Variants in GALNT9 observed in about 807,000 individuals in gnomAD.
GALNT9 encodes the protein GalNAc transferase 9.
In GALNT9, 47 loss-of-function variants were observed where a neutral mutation model predicts 63.1. The observed-to-expected ratio is 0.75, with a 90% CI of 0.59 to 0.95. GALNT9 has a LOEUF of 0.95. Ranked by LOEUF, GALNT9 falls within the 40% of genes least tolerant of loss-of-function variation. The pLI, the probability that GALNT9 is intolerant of heterozygous loss-of-function variation, is 0.00. For missense variants in GALNT9, 829 were observed against 874.8 expected, an observed-to-expected ratio of 0.95 and a Z score of 0.66; for synonymous variants, 396 against 365.7, an observed-to-expected ratio of 1.08 and a Z score of -0.94.
At position 132,310,790 on chromosome 12, in the gene GALNT9, T is replaced by TCC. The variant is rs1186300362; in HGVS notation, c.238+18174_238+18175dup. ...CGCTGGGAAGGTGGGAGCCACGCTG[T>TCC]CCTCCCACGCAAAGAGGAACTAGGT... On this transcript the variant is annotated intron_variant, in intron 1 of 10. Transcript: ENST00000328957. The surrounding 1 kb of genome is among the most constrained non-coding windows in gnomAD (Gnocchi z 4.8). 1.3e-5 allele frequency among the ~76,000 whole-genome samples: 2 copies of TCC among 151,990 alleles called. No individual in the cohort carries two copies. The highest frequency in any genetic ancestry group is 4.8e-5 in the African/African-American group (2 of 41,384).
intron 6 of GALNT9, among the ~76,000 whole-genome samples, chr12:132,230,873 A>G (rs1877864822): frequency 6.6e-6 from 1 of 152,210 alleles, no homozygotes; most frequent in African/African-American, 2.4e-5. Flanking sequence ...AGGCCACTGC[A>G]GGGCTCCCAA....
At chr12:132,204,192 C>T (rs1876465660) in intron 6 of GALNT9, among the ~76,000 whole-genome samples, 1 of 152,212 alleles carries the variant, frequency 6.6e-6, no homozygotes, top group East Asian at 1.9e-4. Flanking sequence ...ACCCCGCAGC[C>T]CCTGGCTTTC....
chr12:132,262,920 A>G (rs1879458804), intron 2 of GALNT9, among the ~76,000 whole-genome samples: 1 of 152,158 alleles, frequency 6.6e-6, no homozygotes, highest in African/African-American at 2.4e-5. Context: ...GAGCTGTTCC[A>G]GAGAGAAACT....
intron 1 of GALNT9, among the ~76,000 whole-genome samples, chr12:132,308,085 G>T (rs1316849709): frequency 2.0e-5 from 3 of 152,102 alleles, no homozygotes; most frequent in African/African-American, 7.2e-5. Flanking sequence ...ACACATGGAG[G>T]GAGATTCGAC....
In GALNT9 at chr12:132,294,490, G is replaced by A. The variant is rs536183079; in HGVS notation, c.239-8060C>T. The stretch of plus-strand genomic sequence containing the variant: ...AGACTCAGGAGCTCTGGTGACCTCC[G>A]GGTGATGCTGAGGCTGCCAGGCTGG... On this transcript the variant is annotated intron_variant, in intron 1 of 10. Transcript: ENST00000328957. Among the ~76,000 whole-genome samples the A allele has an allele frequency of 5.3e-5, 8 of 152,328 alleles. No individual in the cohort carries two copies. The East Asian group carries it at 7.7e-4, about 15-fold the overall frequency.
intron 7 of GALNT9, among the ~76,000 whole-genome samples, chr12:132,202,540 G>A (rs1350890588): frequency 6.6e-6 from 1 of 152,240 alleles, no homozygotes. Flanking sequence ...GTTTTAAGAA[G>A]TAGTAATATT....
At chr12:132,214,917 C>T (rs983636004) in intron 6 of GALNT9, among the ~76,000 whole-genome samples, 18 of 152,254 alleles carry the variant, frequency 1.2e-4, no homozygotes, top group African/African-American at 3.9e-4. Flanking sequence ...ACACCCGTCA[C>T]AGAGGCCCAT....
At chr12:132,285,595 G>A (rs1166608196) in intron 2 of GALNT9, among the ~76,000 whole-genome samples, 7 of 152,226 alleles carry the variant, frequency 4.6e-5, no homozygotes, top group Non-Finnish European at 8.8e-5. Flanking sequence ...CGGATGGAAC[G>A]GGAATGCCCT....
chr12:132,262,980 C>A (rs1353970947), intron 2 of GALNT9, among the ~76,000 whole-genome samples: 2 of 151,202 alleles, frequency 1.3e-5, no homozygotes, highest in African/African-American at 4.9e-5. Flanking sequence ...GTGCCCACCC[C>A]GTGCTCACAG....
In GALNT9 at chr12:132,197,822, C is replaced by T; in HGVS notation, c.1635G>A (p.Arg545=). The change falls in exon 10 of 11, where the codon CGG becomes CGA. Residue 545 remains arginine, a synonymous_variant. Transcript: ENST00000328957. ...TGAAGTCCCACAGCCGCTGTGTTGG[C>T]CGCGCCACATCCTCACACTTCTTCA... is the stretch of plus-strand genomic sequence containing the variant. The part of the protein sequence containing the change: ...PTLKKCEDVA[R]PTQRLWDFTQ... 6.5e-7 allele frequency: 1 copy of T among 1,549,926 alleles called. No homozygotes were observed. Among genetic ancestry groups the T allele is most frequent in the Admixed American group, 1.8e-5 (1 of 56,286 alleles).
In GALNT9 at chr12:132,288,804, G is replaced by A. The variant is rs541883590; in HGVS notation, c.239-2374C>T. ...CTGCCCGATGCCCAGCGTTGGAACC[G>A]GCAGGAGGGTGGCTGAGCGTGGTTT... On this transcript the variant is annotated intron_variant, in intron 1 of 10. Coordinates refer to ENST00000328957, the MANE Select transcript of GALNT9 (RefSeq NM_001122636.2). 2.2e-4 allele frequency among the ~76,000 whole-genome samples: 33 copies of A among 150,756 alleles called. 1 individual carries two copies. The highest frequency in any genetic ancestry group is 7.2e-4 in the African/African-American group (29 of 40,504).
chr12:132,203,781 G>A (rs567127784), intron 6 of GALNT9, 91 bp from the exon 7 acceptor site: 43 of 1,400,728 alleles, frequency 3.1e-5, no homozygotes, highest in African/African-American at 5.8e-5. Context: ...CAAGGGGCCC[G>A]GCCCTCTGTT....
At chr12:132,202,759 G>A (rs980799102) in intron 7 of GALNT9, among the ~76,000 whole-genome samples, 5 of 152,268 alleles carry the variant, frequency 3.3e-5, no homozygotes, top group East Asian at 1.9e-4. Flanking sequence ...TTCCAGAGAC[G>A]CTGGGGTGTG....
Position 132,197,952 on chromosome 12 carries a change from C to G in GALNT9, c.1505G>C (p.Arg502Pro). Residue 502 changes from arginine to proline, a missense_variant, in exon 10 of 11, where the codon CGG becomes CCG. By Grantham distance (103) the Arg-to-Pro change is moderately radical. Transcript: ENST00000328957. ...PCHGMSSQLV[R>P]YSADGLLQLG... Reference sequence around the variant, plus strand: ...CTGCAGCAGTCCATCAGCGCTGTACCGCACCAGCTGGGGACAGGACCACCG... The same window carrying G: ...CTGCAGCAGTCCATCAGCGCTGTACGGCACCAGCTGGGGACAGGACCACCG... The G allele has an allele frequency of 1.2e-6, 2 of 1,607,714 alleles. No homozygotes were observed. Among genetic ancestry groups the G allele is most frequent in the Non-Finnish European group, 1.7e-6 (2 of 1,176,944 alleles).
rs73475812 is a variant in GALNT9 at position 132,296,848 on chromosome 12, G to A, written c.239-10418C>T. Among the ~76,000 whole-genome samples, 2,967 of 151,756 alleles carry A rather than the reference G, an allele frequency of 0.02. 117 individuals are homozygous for A. Among genetic ancestry groups the A allele is most frequent in the African/African-American group, 0.068 (2,804 of 41,316 alleles). ...CACACGCATTGGGGGCTGGGCGGGG[G>A]GAGGGTGGAACTCTTCCTTCCATCA... On this transcript the variant is annotated intron_variant, in intron 1 of 10. Transcript: ENST00000328957. This position sits in a 1 kb window ranked among gnomAD's most constrained non-coding sequence, Gnocchi z 4.2.
intron 6 of GALNT9, among the ~76,000 whole-genome samples, chr12:132,210,832 TCGCCG>T (rs1416381630): frequency 1.6e-5 from 1 of 61,594 alleles, no homozygotes; most frequent in African/African-American, 6.8e-5. Flanking sequence ...CGTCTGGAGG[TCGCCG>T]TCTGGAGGTC....
chr12:132,317,821 G>A (rs569041602), intron 1 of GALNT9, among the ~76,000 whole-genome samples: 1 of 152,296 alleles, frequency 6.6e-6, no homozygotes, highest in South Asian at 2.1e-4. Context: ...GGCTGCACAG[G>A]GGCTGCTGGG....
chr12:132,203,174 C>T (rs1484493469), intron 7 of GALNT9, among the ~76,000 whole-genome samples: 1 of 152,188 alleles, frequency 6.6e-6, no homozygotes, highest in Non-Finnish European at 1.5e-5. Flanking sequence ...AAGTGGGGCC[C>T]TGGCTGAGGC....
intron 8 of GALNT9, chr12:132,200,917 A>C: frequency 1.7e-6 from 1 of 573,324 alleles, no homozygotes; most frequent in Non-Finnish European, 3.1e-6. Context: ...TTGTGTGTGC[A>C]CGTGGATGTG....
Sources: allele counts gnomAD v4.1 joint callset (sites outside exome capture counted in the v4.1 genomes callset), GRCh38; gene constraint gnomAD v4.1.1; non-coding constraint Gnocchi (gnomAD v3.1); transcripts MANE v1.5; gene names NCBI Gene and HGNC (gene_info 2026-07-23, HGNC 2026-07-21).